SH3BP5: variants seen among roughly 807,000 people sequenced by gnomAD.
SH3BP5 encodes the protein SH3 domain binding protein 5.
A neutral mutation model predicts 43.3 loss-of-function variants in SH3BP5; 22 were observed. The observed-to-expected ratio is 0.51, with a 90% confidence interval of 0.36 to 0.73. The LOEUF is 0.73. SH3BP5 is among the 30% of genes least tolerant of loss of function. SH3BP5 has a pLI of 0.00. For synonymous variants in SH3BP5, 255 were observed against 225.8 expected (o/e 1.13, Z -1.16); for missense variants, 529 against 586.9 (o/e 0.90, Z 1.02).
intron 3 of SH3BP5, among the ~76,000 whole-genome samples, chr3:15,300,808 AAGG>A (rs1187877709): frequency 6.6e-6 from 1 of 152,152 alleles, no homozygotes; most frequent in Non-Finnish European, 1.5e-5. Flanking sequence ...TGCAAGAAGG[AAGG>A]AGATTACGGG....
intron 3 of SH3BP5, among the ~76,000 whole-genome samples, chr3:15,294,270 T>TG (rs1697497853): frequency 2.0e-5 from 3 of 150,784 alleles, no homozygotes; most frequent in Non-Finnish European, 4.4e-5. Flanking sequence ...TAAGCCCCAG[T>TG]TTCTTCTTCT....
At chr3:15,316,832 C>T (rs1330096987) in intron 2 of SH3BP5, among the ~76,000 whole-genome samples, 3 of 152,064 alleles carry the variant, frequency 2.0e-5, no homozygotes, top group South Asian at 2.1e-4. Flanking sequence ...CTACAAGGCC[C>T]GAGAGGATGG....
In SH3BP5 at chr3:15,268,497, C is replaced by T. The variant is rs3773468; in HGVS notation, c.495+1216G>A. ...CCCTGCAGCAAACCAGCCCTACACT[C>T]GTTTTCCAGGCGCTGGGAATCTAGA... is the stretch of plus-strand genomic sequence containing the variant. On this transcript the variant is annotated intron_variant, in intron 4 of 8. Transcript: ENST00000383791. 3.9e-5 allele frequency among the ~76,000 whole-genome samples: 6 copies of T among 151,976 alleles called. No individual in the cohort carries two copies. The East Asian group carries it at 7.7e-4, about 20-fold the overall frequency.
intron 7 of SH3BP5, chr3:15,258,023 G>C (rs538450638): frequency 6.6e-6 from 1 of 152,344 alleles, no homozygotes; most frequent in South Asian, 2.1e-4. Context: ...TCTCCATGCA[G>C]GGTTTGAGAT....
chr3:15,283,403 A>T (rs1400160647), intron 3 of SH3BP5, among the ~76,000 whole-genome samples: 1 of 152,256 alleles, frequency 6.6e-6, no homozygotes, highest in Non-Finnish European at 1.5e-5. Context: ...TCTCAAAAAA[A>T]GGAAAAGAAA....
At chr3:15,324,304 ACT>A (rs1698406148) in intron 2 of SH3BP5, among the ~76,000 whole-genome samples, 1 of 151,836 alleles carries the variant, frequency 6.6e-6, no homozygotes, top group Non-Finnish European at 1.5e-5. Flanking sequence ...GCCCTGAGTG[ACT>A]CTCCTAGAAT....
intron 8 of SH3BP5, 80 bp downstream of exon 8, chr3:15,256,773 G>GC: frequency 6.8e-7 from 1 of 1,465,874 alleles, no homozygotes; most frequent in South Asian, 1.4e-5. Context: ...CTGAGACCTG[G>GC]CAGAGGTATG....
chr3:15,290,930 T>C (rs979745688), intron 3 of SH3BP5, among the ~76,000 whole-genome samples: 1 of 151,278 alleles, frequency 6.6e-6, no homozygotes, highest in Non-Finnish European at 1.5e-5. Flanking sequence ...AAACAGGAAG[T>C]GGCTGGAGAA....
chr3:15,276,920 C>A (rs1022738696), intron 3 of SH3BP5, among the ~76,000 whole-genome samples: 3 of 152,114 alleles, frequency 2.0e-5, no homozygotes, highest in Non-Finnish European at 4.4e-5. Context: ...TCAAAATAAC[C>A]CGACAGGCCT....
intron 4 of SH3BP5, among the ~76,000 whole-genome samples, chr3:15,268,161 C>G (rs993350242): frequency 1.3e-5 from 2 of 152,178 alleles, no homozygotes; most frequent in African/African-American, 4.8e-5. Flanking sequence ...CAAGCTCAGC[C>G]GAGAGTCTCA....
At chr3:15,285,862 C>T (rs981350637) in intron 3 of SH3BP5, among the ~76,000 whole-genome samples, 3 of 152,230 alleles carry the variant, frequency 2.0e-5, no homozygotes, top group Non-Finnish European at 2.9e-5. Flanking sequence ...TTCACTGAAA[C>T]GTCAAACCCC....
At chr3:15,301,441 A>C (rs570390143) in intron 3 of SH3BP5, among the ~76,000 whole-genome samples, 1 of 152,320 alleles carries the variant, frequency 6.6e-6, no homozygotes, top group Non-Finnish European at 1.5e-5. Flanking sequence ...CAAGGAGCCA[A>C]ACGAATGAAA....
chr3:15,319,927 C>T (rs572484247), intron 2 of SH3BP5, among the ~76,000 whole-genome samples: 3 of 152,252 alleles, frequency 2.0e-5, no homozygotes, highest in Admixed American at 1.3e-4. Context: ...AAATCATAGG[C>T]AAAATAGAAC....
intron 2 of SH3BP5, among the ~76,000 whole-genome samples, chr3:15,316,987 T>C (rs1018573103): frequency 5.9e-5 from 9 of 152,242 alleles, no homozygotes; most frequent in Non-Finnish European, 7.3e-5. Context: ...TAAGAGGATA[T>C]AGAAATGCTG....
At chr3:15,310,634 C>A (rs1341022305) in intron 2 of SH3BP5, among the ~76,000 whole-genome samples, 1 of 152,088 alleles carries the variant, frequency 6.6e-6, no homozygotes, top group Non-Finnish European at 1.5e-5. Flanking sequence ...TTCCACCAGT[C>A]AAGAAAAAGA....
intron 2 of SH3BP5, among the ~76,000 whole-genome samples, chr3:15,324,663 C>T (rs1174109953): frequency 3.0e-4 from 46 of 152,144 alleles, no homozygotes; most frequent in Admixed American, 2.9e-3. Context: ...GGACCTAGTC[C>T]CTAGTGCATT....
At chr3:15,300,496 G>A (rs1228062913) in intron 3 of SH3BP5, among the ~76,000 whole-genome samples, 1 of 58,102 alleles carries the variant, frequency 1.7e-5, no homozygotes, top group East Asian at 2.5e-3. Flanking sequence ...AATATAAAAA[G>A]GAAGCGGGGG....
chr3:15,275,974 C>T (rs1213201109), intron 3 of SH3BP5: 2 of 133,840 alleles, frequency 1.5e-5, no homozygotes, highest in African/African-American at 2.8e-5. Context: ...AAGCCAAGAT[C>T]GTGCCACTGC....
chr3:15,333,810 G>A (rs1293249958), upstream of SH3BP5, among the ~76,000 whole-genome samples: 1 of 152,210 alleles, frequency 6.6e-6, no homozygotes, highest in Non-Finnish European at 1.5e-5. Flanking sequence ...GGTCAGACCT[G>A]TTCATTGCTC....
Sources: gnomAD v4.1 joint callset for allele counts (sites outside exome capture counted in the v4.1 genomes callset) on GRCh38, gnomAD v4.1.1 for gene constraint, MANE v1.5 for transcripts, NCBI Gene and HGNC (gene_info 2026-07-23, HGNC 2026-07-21) for gene names.